The following LDB2 variants were observed in gnomAD, a reference collection of about 807,000 sequenced individuals.
LDB2 encodes the protein LIM domain binding 2, also known as LIM domain-binding protein 2.
LDB2 carries 12 observed loss-of-function variants against 44.3 expected under a neutral mutation model. The ratio of observed to expected loss-of-function variants is 0.27; its 90% CI spans 0.17 to 0.44. LDB2 has a LOEUF of 0.44. Among genes scored for constraint, LDB2 ranks in the 20% least tolerant of loss-of-function variants. The pLI, the probability that LDB2 is intolerant of heterozygous loss-of-function variation, is 1.00. For missense variants in LDB2, 344 were observed against 473.5 expected (o/e 0.73, Z 2.54); for synonymous variants, 164 against 174.8 (o/e 0.94, Z 0.49).
intron 2 of LDB2, among the ~76,000 whole-genome samples, chr4:16,676,715 T>C (rs962068032): frequency 6.6e-6 from 1 of 152,216 alleles, no homozygotes; most frequent in South Asian, 2.1e-4. Context: ...GATGTAAGAA[T>C]GGGACACTTG....
At chr4:16,671,428 T>C (rs1019982188) in intron 2 of LDB2, among the ~76,000 whole-genome samples, 1 of 152,126 alleles carries the variant, frequency 6.6e-6, no homozygotes, top group African/African-American at 2.4e-5. Flanking sequence ...GCTCCTGATG[T>C]GCAGGCTACT....
At chr4:16,584,194 A>G (rs892872945) in intron 5 of LDB2, among the ~76,000 whole-genome samples, 1 of 152,222 alleles carries the variant, frequency 6.6e-6, no homozygotes, top group Non-Finnish European at 1.5e-5. Flanking sequence ...TTCTGTCCCC[A>G]GGCCCTGTGC....
chr4:16,671,785 T>C (rs1186298880), intron 2 of LDB2, among the ~76,000 whole-genome samples: 2 of 149,122 alleles, frequency 1.3e-5, no homozygotes, highest in East Asian at 4.0e-4. Context: ...TCATTAACCA[T>C]CCACCGAGAG....
intron 5 of LDB2, among the ~76,000 whole-genome samples, chr4:16,570,752 G>C (rs1280033082): frequency 6.6e-6 from 1 of 151,998 alleles, no homozygotes; most frequent in Non-Finnish European, 1.5e-5. Flanking sequence ...TTTGGTTAGA[G>C]TATTCCAGGC....
chr4:16,677,884 G>C (rs1286534260), intron 2 of LDB2, among the ~76,000 whole-genome samples: 1 of 152,190 alleles, frequency 6.6e-6, no homozygotes, highest in Non-Finnish European at 1.5e-5. Flanking sequence ...AAATGGCTAG[G>C]CCTATTTTTG....
At chr4:16,841,237 G>A (rs1007327479) in intron 1 of LDB2, among the ~76,000 whole-genome samples, 3 of 147,930 alleles carry the variant, frequency 2.0e-5, no homozygotes, top group Admixed American at 6.7e-5. Flanking sequence ...GAACAGACCT[G>A]AATTTCCAGG....
In LDB2 at chr4:16,682,245, T is replaced by C. The variant is rs1748132738; in HGVS notation, c.235+76913A>G. ...TAGAAACAAGTCAAAAAGTAACTAG[T>C]TAAAATTTAAAAAATCCCAATTTAG... On this transcript the variant is annotated intron_variant, in intron 2 of 7. Transcript: ENST00000304523. Among the ~76,000 whole-genome samples, 4 of 151,638 alleles carry C rather than the reference T, an allele frequency of 2.6e-5. No homozygotes were observed. In the South Asian group the frequency reaches 8.4e-4, roughly 32 times the overall value.
At chr4:16,640,408 G>A (rs1734818429) in intron 2 of LDB2, among the ~76,000 whole-genome samples, 1 of 152,078 alleles carries the variant, frequency 6.6e-6, no homozygotes, top group African/African-American at 2.4e-5. Flanking sequence ...TAAGTTGCTG[G>A]GCTATTAGAG....
chr4:16,518,482 T>C (rs1724694031), intron 5 of LDB2, among the ~76,000 whole-genome samples: 1 of 143,420 alleles, frequency 7.0e-6, no homozygotes, highest in Admixed American at 6.8e-5. Context: ...TTTGCTTGTG[T>C]TGTTTTTTTT....
intron 1 of LDB2, among the ~76,000 whole-genome samples, chr4:16,815,504 C>T (rs894142009): frequency 6.6e-6 from 1 of 152,110 alleles, no homozygotes; most frequent in Admixed American, 6.5e-5. Context: ...AATCTAGTAC[C>T]CTTTCCAGTG....
chr4:16,633,523 G>A (rs188476952), intron 2 of LDB2, among the ~76,000 whole-genome samples: 30 of 152,146 alleles, frequency 2.0e-4, no homozygotes, highest in Admixed American at 8.5e-4. Flanking sequence ...TTGCTACTAA[G>A]AGAAAAAAAT....
chr4:16,852,656 T>C (rs1030964343), intron 1 of LDB2, among the ~76,000 whole-genome samples: 1 of 152,238 alleles, frequency 6.6e-6, no homozygotes, highest in African/African-American at 2.4e-5. Context: ...TTTAGGATTT[T>C]ATCAGTTTGT....
At chr4:16,812,157 G>A (rs925506137) in intron 1 of LDB2, among the ~76,000 whole-genome samples, 1 of 152,074 alleles carries the variant, frequency 6.6e-6, no homozygotes, top group Non-Finnish European at 1.5e-5. Context: ...TAGAGCTTCG[G>A]CATCTGGAGA....
chr4:16,771,552 T>A (rs1222839317), intron 1 of LDB2, among the ~76,000 whole-genome samples: 10 of 152,042 alleles, frequency 6.6e-5, no homozygotes, highest in Non-Finnish European at 1.5e-5. Flanking sequence ...CCCAACTCCA[T>A]CCCCTACAAG....
At chr4:16,665,319 G>A (rs1163880629) in intron 2 of LDB2, among the ~76,000 whole-genome samples, 2 of 139,996 alleles carry the variant, frequency 1.4e-5, no homozygotes, top group African/African-American at 5.4e-5. Flanking sequence ...AGGCTGGAGT[G>A]CAGTGGTGTG....
chr4:16,716,447 C>T (rs1197660616), intron 2 of LDB2, among the ~76,000 whole-genome samples: 1 of 152,170 alleles, frequency 6.6e-6, no homozygotes, highest in Non-Finnish European at 1.5e-5. Flanking sequence ...GCTCTGAAAG[C>T]CAGGCTCTGA....
At chr4:16,859,052 G>A (rs925384166) in intron 1 of LDB2, among the ~76,000 whole-genome samples, 2 of 152,170 alleles carry the variant, frequency 1.3e-5, no homozygotes, top group African/African-American at 4.8e-5. Context: ...TAAGTGCCAG[G>A]CACTATACTA....
chr4:16,716,547 C>T (rs981896493), intron 2 of LDB2, among the ~76,000 whole-genome samples: 8 of 152,244 alleles, frequency 5.3e-5, no homozygotes, highest in Non-Finnish European at 7.4e-5. Flanking sequence ...AATAAACTTT[C>T]GTCACCAATG....
chr4:16,833,697 C>A (rs1035288409), intron 1 of LDB2, among the ~76,000 whole-genome samples: 7 of 152,172 alleles, frequency 4.6e-5, no homozygotes, highest in Admixed American at 6.5e-5. Flanking sequence ...CGCATGCCAC[C>A]ACGCCCAGCT....
Sources: gnomAD v4.1 joint callset for allele counts (sites outside exome capture counted in the v4.1 genomes callset) on GRCh38, gnomAD v4.1.1 for gene constraint, MANE v1.5 for transcripts, NCBI Gene and HGNC (gene_info 2026-07-23, HGNC 2026-07-21) for gene names.